Variants in IBA57 observed in about 807,000 individuals in gnomAD.
The protein encoded by IBA57 is iron-sulfur cluster assembly factor IBA57, mitochondrial.
A neutral mutation model predicts 20.4 loss-of-function variants in IBA57; 20 were observed. The ratio of observed to expected loss-of-function variants is 0.98; its 90% CI spans 0.69 to 1.42. The LOEUF is 1.42. Ranked by LOEUF, IBA57 falls within the 40% of genes most tolerant of loss-of-function variation. The pLI is 0.00. For synonymous variants in IBA57, 310 were observed against 233.9 expected, an observed-to-expected ratio of 1.33 and a Z score of -2.97; for missense variants, 608 against 499.3, an observed-to-expected ratio of 1.22 and a Z score of -2.07.
At position 228,179,374 on chromosome 1, in the gene IBA57, C is replaced by T. The variant is rs1341982679; in HGVS notation, c.*3861C>T. The T allele has an allele frequency of 1.3e-5, 2 of 152,056 alleles. No individual in the cohort carries two copies. Among genetic ancestry groups the T allele is most frequent in the Non-Finnish European group, 2.9e-5 (2 of 68,010 alleles). 9.4% of individuals were successfully genotyped at this position (152,056 alleles called of 1,614,324 possible). The stretch of plus-strand genomic sequence containing the variant: ...AAATAAAATACTCTAAAAAATATTC[C>T]ATGATGTGTTTCCTGAAGAATCGGG... On this transcript the variant is annotated 3_prime_UTR_variant, in exon 3 of 3. Coordinates refer to ENST00000366711, the MANE Select transcript of IBA57 (RefSeq NM_001010867.4).
At chr1:228,166,432 C>T (rs2124972077) in intron 1 of IBA57, among the ~76,000 whole-genome samples, 1 of 152,302 alleles carries the variant, frequency 6.6e-6, no homozygotes, top group South Asian at 2.1e-4. Context: ...GGGCTTGGCT[C>T]AACACCCAGG....
In IBA57 at chr1:228,179,066, G is replaced by C. The variant is rs1007198320; in HGVS notation, c.*3553G>C. 2.0e-5 allele frequency: 3 copies of C among 152,080 alleles called. No homozygotes were observed. Among genetic ancestry groups the C allele is most frequent in the Non-Finnish European group, 4.4e-5 (3 of 68,022 alleles). The allele number at this position is 152,080 out of a possible 1,614,324, so 9.4% of individuals were successfully genotyped here. ...GTAAGGACTGGCTGGCCTGGGAGGG[G>C]CAGTCTCCCAGCCAGAAGGTGGAAT... On this transcript the variant is annotated 3_prime_UTR_variant, in exon 3 of 3. Transcript: ENST00000366711.
At chr1:228,169,146 C>T (rs2124973456) in intron 1 of IBA57, among the ~76,000 whole-genome samples, 1 of 152,196 alleles carries the variant, frequency 6.6e-6, no homozygotes, top group East Asian at 1.9e-4. Context: ...TGTGGTTTGC[C>T]CCCTCTGGTC....
chr1:228,166,075 G>T lies in IBA57; in HGVS notation c.259G>T (p.Gly87Trp). Residue 87 changes from glycine (G) to tryptophan (W), a missense_variant, in exon 1 of 3, where the codon GGG becomes TGG. Gly to Trp is a radical substitution (Grantham distance 184). Transcript: ENST00000366711. ...ELPLPSPAAA[G>W]APPAARAGYA... ...GCCGCTTCCGAGTCCTGCGGCCGCG[G>T]GGGCCCCGCCTGCTGCGCGCGCGGG... is the stretch of plus-strand genomic sequence containing the variant. 1.3e-6 allele frequency: 2 copies of T among 1,537,430 alleles called. No homozygotes were observed. Among genetic ancestry groups the T allele is most frequent in the Non-Finnish European group, 8.7e-7 (1 of 1,145,022 alleles).
chr1:228,171,593 A>C (rs1166228706), intron 1 of IBA57: 1 of 152,344 alleles, frequency 6.6e-6, no homozygotes, highest in Non-Finnish European at 1.5e-5. Flanking sequence ...CCCACCTCAG[A>C]GTGCAGGGGC....
At position 228,174,824 on chromosome 1, in the gene IBA57, A is replaced by G. The variant is rs1284448367; in HGVS notation, c.474A>G (p.Arg158=). 1 of 1,610,556 alleles carries G rather than the reference A, an allele frequency of 6.2e-7. No homozygotes were observed. Among genetic ancestry groups the G allele is most frequent in the Admixed American group, 1.7e-5 (1 of 59,766 alleles). The change falls in exon 2 of 3, where the codon CGA becomes CGG. Residue 158 remains arginine, a synonymous_variant. Transcript: ENST00000366711. The part of the protein sequence containing the change: ...KVTVEPHPEL[R]VWAVLPSSPE... Reference sequence around the variant, plus strand: ...CGGTGGAGCCGCACCCGGAGCTGCGAGTGTGGGCGGTGTTGCCCAGTTCCC... The same window carrying G: ...CGGTGGAGCCGCACCCGGAGCTGCGGGTGTGGGCGGTGTTGCCCAGTTCCC...
chr1:228,169,423 T>C (rs537972290), intron 1 of IBA57, among the ~76,000 whole-genome samples: 2 of 152,342 alleles, frequency 1.3e-5, no homozygotes, highest in African/African-American at 4.8e-5. Context: ...TAGGAGTTGC[T>C]TTTTAGAGCA....
chr1:228,178,779 G>A lies in IBA57; in HGVS notation c.*3266G>A, dbSNP rs2035065812. The A allele has an allele frequency of 6.6e-6, 1 of 152,236 alleles. No individual in the cohort carries two copies. Among genetic ancestry groups the A allele is most frequent in the South Asian group, 2.1e-4 (1 of 4,828 alleles). The allele number at this position is 152,236 out of a possible 1,614,324, so 9.4% of individuals were successfully genotyped here. ...CAAGGAGACAAGCTCCCTGTTCTGT[G>A]TTCTTGTATGAGGCGGTCAGTCAAG... On this transcript the variant is annotated 3_prime_UTR_variant, in exon 3 of 3. Coordinates refer to ENST00000366711, the MANE Select transcript of IBA57 (RefSeq NM_001010867.4).
intron 1 of IBA57, among the ~76,000 whole-genome samples, chr1:228,166,868 C>T (rs983288766): frequency 6.6e-6 from 1 of 152,128 alleles, no homozygotes; most frequent in African/African-American, 2.4e-5. Context: ...CCTGCTATGG[C>T]GGACCCGGTT....
At chr1:228,174,609 G>A in intron 1 of IBA57, 83 bp from the exon 2 acceptor site, 1 of 1,311,488 alleles carries the variant, frequency 7.6e-7, no homozygotes, top group Middle Eastern at 1.9e-4. Flanking sequence ...TCCTCTGCCC[G>A]GGTAAGGCGC....
Position 228,181,933 on chromosome 1 carries a change from C to G in IBA57, c.*6420C>G, listed in dbSNP as rs969260742. ...CACGTGCCAACCCTGGGGCAGGGAG[C>G]CCAAGCTAGGACTGTGACTGTCTGG... On this transcript the variant is annotated 3_prime_UTR_variant, in exon 3 of 3. Transcript: ENST00000366711. 1 of 152,258 alleles carries G rather than the reference C, an allele frequency of 6.6e-6. No individual in the cohort carries two copies. The highest frequency in any genetic ancestry group is 2.4e-5 in the African/African-American group (1 of 41,456). The allele number at this position is 152,258 out of a possible 1,614,324, so 9.4% of individuals were successfully genotyped here. A position where few individuals can be genotyped will look rare whatever the true frequency, so the allele number is the denominator to read the frequency against.
chr1:228,174,895 C>T lies in IBA57; in HGVS notation c.545C>T (p.Ala182Val). 1 of 1,603,570 alleles carries T rather than the reference C, an allele frequency of 6.2e-7. No individual in the cohort carries two copies. ...TCGCTGCAGGAGAGGGCAGGGGCTG[C>T]CGCCATCCTCATCCGCGACCCGCGA... ...AASLQERAGA[A>V]AILIRDPRTA... The change falls in exon 2 of 3, where the codon GCC becomes GTC. Residue 182 changes from alanine to valine, a missense_variant. By Grantham distance (64) the Ala-to-Val change is moderately conservative. Coordinates refer to ENST00000366711, the MANE Select transcript of IBA57 (RefSeq NM_001010867.4).
chr1:228,175,323 CCCCTGGTG>C lies in IBA57; in HGVS notation c.884_891del (p.Pro295HisfsTer40). 6.2e-7 allele frequency: 1 copy of C among 1,612,780 alleles called. No individual in the cohort carries two copies. The highest frequency in any genetic ancestry group is 8.5e-7 in the Non-Finnish European group (1 of 1,179,944). ...GACCCCCTTCCCACCAGTGGCATCA[CCCCTGGTG>C]CCACGGTGCTGACTGCCTCAGGACA... On this transcript the variant is annotated frameshift_variant, in exon 3 of 3. Coordinates refer to ENST00000366711, the MANE Select transcript of IBA57 (RefSeq NM_001010867.4). LOFTEE classifies it low-confidence loss of function (END_TRUNC).
chr1:228,174,105 T>C (rs1264026530), intron 1 of IBA57, among the ~76,000 whole-genome samples: 3 of 151,928 alleles, frequency 2.0e-5, no homozygotes, highest in Non-Finnish European at 4.4e-5. Context: ...AGGTGCTGCC[T>C]GGTGTGGCTG....
At position 228,165,831 on chromosome 1, in the gene IBA57, G is replaced by A; in HGVS notation, c.15G>A (p.Ala5=). 2 of 1,304,200 alleles carry A rather than the reference G, an allele frequency of 1.5e-6. No individual in the cohort carries two copies. 80.8% of individuals were successfully genotyped at this position (1,304,200 alleles called of 1,614,324 possible). The change falls in exon 1 of 3, where the codon GCG becomes GCA. Residue 5 remains alanine (A), a synonymous_variant. Transcript: ENST00000366711. MATA[A]LLRGATPGRG... ...TCTTGTCCAAGATGGCGACCGCGGC[G>A]CTGCTTCGAGGCGCCACTCCGGGGC...
In IBA57 at chr1:228,165,926, G is replaced by C. The variant is rs1358219005; in HGVS notation, c.110G>C (p.Ser37Thr). 2.0e-6 allele frequency: 3 copies of C among 1,497,648 alleles called. No homozygotes were observed. The South Asian group carries it at 3.8e-5, about 19-fold the overall frequency. The allele number at this position is 1,497,648 out of a possible 1,614,324, so 92.8% of individuals were successfully genotyped here. Residue 37 changes from serine (S) to threonine (T), a missense_variant, in exon 1 of 3, where the codon AGT becomes ACT. By Grantham distance (58) the Ser-to-Thr change is moderately conservative. Coordinates refer to ENST00000366711, the MANE Select transcript of IBA57 (RefSeq NM_001010867.4). ...TGCCGCCTGGCCCACAGCTCCTGCAGTCCTGGTGGCGACCCAACGGCCGGA... is the reference window on the plus strand; with the variant it reads ...TGCCGCCTGGCCCACAGCTCCTGCACTCCTGGTGGCGACCCAACGGCCGGA... ...PRCRLAHSSC[S>T]PGGDPTAGAA... is the part of the protein sequence containing the mutation.
rs1358117650 is a variant in IBA57 at position 228,180,348 on chromosome 1, C to T, written c.*4835C>T. 1 of 152,036 alleles carries T rather than the reference C, an allele frequency of 6.6e-6. No homozygotes were observed. The highest frequency in any genetic ancestry group is 1.5e-5 in the Non-Finnish European group (1 of 68,056). 9.4% of individuals were successfully genotyped at this position (152,036 alleles called of 1,614,324 possible). ...ATAGGCAGGAAGGTGGATTTGTGGG[C>T]ATGTCTAAAACACCACATCTAGAAG... On this transcript the variant is annotated 3_prime_UTR_variant, in exon 3 of 3. Transcript: ENST00000366711.
intron 1 of IBA57, among the ~76,000 whole-genome samples, chr1:228,167,413 A>G (rs1035038029): frequency 9.4e-5 from 14 of 148,874 alleles, no homozygotes; most frequent in African/African-American, 3.2e-4. Context: ...CTGGAGTGCA[A>G]TGGCACAATC....
intron 1 of IBA57, among the ~76,000 whole-genome samples, 177 bp downstream of exon 1, chr1:228,166,334 G>C (rs1172724437): frequency 6.6e-6 from 1 of 152,062 alleles, no homozygotes; most frequent in Non-Finnish European, 1.5e-5. Flanking sequence ...TGGCACTCAG[G>C]GTCAGGCACC....
Sources: gnomAD v4.1 joint callset for allele counts (sites outside exome capture counted in the v4.1 genomes callset) on GRCh38, gnomAD v4.1.1 for gene constraint, MANE v1.5 for transcripts, NCBI Gene and HGNC (gene_info 2026-07-23, HGNC 2026-07-21) for gene names.